Variants in ZNF618 observed in about 807,000 individuals in gnomAD.
ZNF618 encodes the protein neural precursor cell expressed, developmentally down-regulated 10.
ZNF618 carries 34 observed loss-of-function variants against 103.0 expected under a neutral mutation model. That is an observed-to-expected ratio of 0.33 (90% confidence interval 0.25 to 0.44). The LOEUF (loss-of-function observed/expected upper bound fraction) is 0.44, where lower values mean the gene tolerates loss of function less well. ZNF618 is among the 20% of genes least tolerant of loss of function. ZNF618 has a pLI of 1.00. For missense variants in ZNF618, 1,059 were observed against 1,295.4 expected, an observed-to-expected ratio of 0.82 and a Z score of 2.80; for synonymous variants, 551 against 542.2, an observed-to-expected ratio of 1.02 and a Z score of -0.23.
chr9:114,043,172 C>T (rs923878487), intron 13 of ZNF618, among the ~76,000 whole-genome samples: 4 of 152,214 alleles, frequency 2.6e-5, no homozygotes, highest in South Asian at 2.1e-4. Context: ...TTATGAATAA[C>T]GCTGCTATGA....
At chr9:113,900,883 C>G (rs376358547) in intron 1 of ZNF618, among the ~76,000 whole-genome samples, 1 of 75,626 alleles carries the variant, frequency 1.3e-5, no homozygotes, top group African/African-American at 5.5e-5. Flanking sequence ...AACCCGACCT[C>G]CTGTCTCCTA....
At chr9:113,921,367 A>G (rs572098157) in intron 1 of ZNF618, among the ~76,000 whole-genome samples, 3 of 152,378 alleles carry the variant, frequency 2.0e-5, no homozygotes, top group African/African-American at 7.2e-5. Flanking sequence ...GACTGCCTGT[A>G]TGATGTCTGG....
At chr9:114,038,753 C>A (rs560842266) in intron 13 of ZNF618, among the ~76,000 whole-genome samples, 1 of 152,246 alleles carries the variant, frequency 6.6e-6, no homozygotes, top group Admixed American at 6.5e-5. Flanking sequence ...GAGAGCTTTA[C>A]GCAGGTTATT....
At chr9:113,962,896 C>A (rs548304702) in intron 1 of ZNF618, among the ~76,000 whole-genome samples, 1 of 152,322 alleles carries the variant, frequency 6.6e-6, no homozygotes, top group Admixed American at 6.5e-5. Flanking sequence ...CGTCTCCCCC[C>A]ACTTGAATGT....
chr9:114,046,539 A>G (rs1845671407), intron 13 of ZNF618, among the ~76,000 whole-genome samples: 1 of 152,182 alleles, frequency 6.6e-6, no homozygotes, highest in Non-Finnish European at 1.5e-5. Flanking sequence ...CACATTTCTC[A>G]GAATATATGT....
At chr9:114,045,583 C>A (rs896925307) in intron 13 of ZNF618, among the ~76,000 whole-genome samples, 1 of 151,874 alleles carries the variant, frequency 6.6e-6, no homozygotes, top group African/African-American at 2.4e-5. Context: ...TCTATATGTC[C>A]GTCCTGTGCC....
At chr9:113,881,362 C>T (rs1828497134) in intron 1 of ZNF618, among the ~76,000 whole-genome samples, 2 of 152,070 alleles carry the variant, frequency 1.3e-5, no homozygotes, top group South Asian at 2.1e-4. Flanking sequence ...TTCAAGCCCC[C>T]GTTGCGAGCC....
Position 114,053,049 on chromosome 9 carries a change from T to A in ZNF618, c.*2882T>A, listed in dbSNP as rs1846227960. On this transcript the variant is annotated 3_prime_UTR_variant, in exon 15 of 15. Coordinates refer to ENST00000374126, the MANE Select transcript of ZNF618 (RefSeq NM_001318042.2). ...TAGATAACAAGATAGCAGATGATTGTTTCTTGCAACCTCTGGTTCCCTCCG... is the reference window on the plus strand; with the variant it reads ...TAGATAACAAGATAGCAGATGATTGATTCTTGCAACCTCTGGTTCCCTCCG... The A allele has an allele frequency of 6.6e-6, 1 of 152,392 alleles. No homozygotes were observed. The highest frequency in any genetic ancestry group is 1.5e-5 in the Non-Finnish European group (1 of 68,054). 9.4% of individuals were successfully genotyped at this position (152,392 alleles called of 1,614,324 possible).
At chr9:113,951,096 G>A (rs906523379) in intron 1 of ZNF618, among the ~76,000 whole-genome samples, 2 of 151,692 alleles carry the variant, frequency 1.3e-5, no homozygotes, top group Admixed American at 6.6e-5. Context: ...GGCTTGATTG[G>A]AGGCTAGAAG....
chr9:113,885,459 A>G (rs909088846), intron 1 of ZNF618, among the ~76,000 whole-genome samples: 4 of 152,230 alleles, frequency 2.6e-5, no homozygotes, highest in Admixed American at 2.0e-4. Flanking sequence ...AAACTGAGTC[A>G]CAGACTAAGG....
In ZNF618 at chr9:114,054,173, A is replaced by G. The variant is rs1846311487; in HGVS notation, c.*4006A>G. On this transcript the variant is annotated 3_prime_UTR_variant, in exon 15 of 15. Coordinates refer to ENST00000374126, the MANE Select transcript of ZNF618 (RefSeq NM_001318042.2). Reference sequence around the variant, plus strand: ...ACCTCTGCCTTTAGGAGTCCCCTATATTTGAGCAAGGCCACCTGCTTCCCC... The same window carrying G: ...ACCTCTGCCTTTAGGAGTCCCCTATGTTTGAGCAAGGCCACCTGCTTCCCC... 6.6e-6 allele frequency: 1 copy of G among 152,500 alleles called. No homozygotes were observed. Among genetic ancestry groups the G allele is most frequent in the African/African-American group, 2.4e-5 (1 of 41,402 alleles). The allele number at this position is 152,500 out of a possible 1,614,324, so 9.4% of individuals were successfully genotyped here.
chr9:114,025,730 T>C (rs1188957543), intron 10 of ZNF618, among the ~76,000 whole-genome samples: 1 of 152,046 alleles, frequency 6.6e-6, no homozygotes, highest in Non-Finnish European at 1.5e-5. Flanking sequence ...ATCTGCCTTA[T>C]ACCTTTGGGA....
intron 1 of ZNF618, among the ~76,000 whole-genome samples, chr9:113,926,147 GTGT>G (rs1564178622): frequency 6.8e-6 from 1 of 146,744 alleles, no homozygotes; most frequent in African/African-American, 2.5e-5. Context: ...TTCTAGGTTG[GTGT>G]TGTTTTTTTT....
At chr9:113,929,745 T>C (rs1427821377) in intron 1 of ZNF618, among the ~76,000 whole-genome samples, 1 of 152,200 alleles carries the variant, frequency 6.6e-6, no homozygotes, top group African/African-American at 2.4e-5. Context: ...CAGTACTCTA[T>C]GCTTTAGTGA....
chr9:113,927,548 A>G (rs1833215021), intron 1 of ZNF618, among the ~76,000 whole-genome samples: 1 of 152,122 alleles, frequency 6.6e-6, no homozygotes, highest in South Asian at 2.1e-4. Flanking sequence ...CTGTGTCGTG[A>G]CCTTTACATG....
chr9:113,925,443 C>CT (rs377142337), intron 1 of ZNF618, among the ~76,000 whole-genome samples: 12,892 of 118,792 alleles, frequency 0.11, 665 homozygotes, highest in African/African-American at 0.17. Flanking sequence ...TTAGTTGGGT[C>CT]TTTTTTTTTT....
chr9:114,043,809 A>C (rs987295818), intron 13 of ZNF618, among the ~76,000 whole-genome samples: 5 of 152,112 alleles, frequency 3.3e-5, no homozygotes, highest in Admixed American at 3.3e-4. Flanking sequence ...AGTGATGTTG[A>C]GCATTTTTTC....
rs762344196 is a variant in ZNF618 at position 114,016,722 on chromosome 9, G to T, written c.782G>T (p.Cys261Phe). Residue 261 changes from cysteine to phenylalanine, a missense_variant, in exon 10 of 15, where the codon TGC (cysteine) becomes TTC (phenylalanine). Physicochemically the swap from Cys to Phe is radical, Grantham distance 205. This residue lies in a region of ZNF618 where 434 missense variants were observed against 476.0 expected (regional missense o/e 0.91). Coordinates refer to ENST00000374126, the MANE Select transcript of ZNF618 (RefSeq NM_001318042.2). ...ACTGGCAATTACACCTGTGAATTCT[G>T]CGGCAAACAGTACAAGTACTACACT... ...PKTGNYTCEF[C>F]GKQYKYYTPY... The T allele has an allele frequency of 6.2e-7, 1 of 1,613,770 alleles. No individual in the cohort carries two copies. The highest frequency in any genetic ancestry group is 8.5e-7 in the Non-Finnish European group (1 of 1,179,824).
intron 13 of ZNF618, among the ~76,000 whole-genome samples, chr9:114,046,194 A>G (rs1455593795): frequency 6.6e-6 from 1 of 152,084 alleles, no homozygotes; most frequent in Non-Finnish European, 1.5e-5. Flanking sequence ...TTCCATTCCA[A>G]TCTGGATGTT....
Sources: allele counts gnomAD v4.1 joint callset (sites outside exome capture counted in the v4.1 genomes callset), GRCh38; gene constraint gnomAD v4.1.1; regional missense constraint gnomAD v4.1.1; transcripts MANE v1.5; gene names NCBI Gene and HGNC (gene_info 2026-07-23, HGNC 2026-07-21).